Variants in NBEA observed in about 807,000 individuals in gnomAD.
NBEA encodes lysosomal-trafficking regulator 2.
Under a neutral mutation model 343.4 loss-of-function variants are expected in NBEA, and 44 were observed. That is an observed-to-expected ratio of 0.13 (90% CI 0.10 to 0.16). The LOEUF (loss-of-function observed/expected upper bound fraction) is 0.16, where lower values mean the gene tolerates loss of function less well. Among genes scored for constraint, NBEA ranks in the 10% least tolerant of loss-of-function variants. The pLI, the probability that NBEA is intolerant of heterozygous loss-of-function variation, is 1.00. For synonymous variants in NBEA, 1,175 were observed against 1,238.7 expected (o/e 0.95, Z 1.08); for missense variants, 2,555 against 3,631.3 (o/e 0.70, Z 7.62).
intron 1 of NBEA, among the ~76,000 whole-genome samples, chr13:35,019,243 A>G (rs562287646): frequency 4.6e-5 from 7 of 150,904 alleles, no homozygotes; most frequent in South Asian, 2.1e-4. Flanking sequence ...TTTTGTTACC[A>G]TGATATTGTT....
In NBEA at chr13:35,345,992, T is replaced by C. The variant is rs1594295022; in HGVS notation, c.5904-3116T>C. 5.9e-5 allele frequency among the ~76,000 whole-genome samples: 9 copies of C among 152,038 alleles called. No homozygotes were observed. The South Asian group carries it at 1.7e-3, about 28-fold the overall frequency. ...TGTCAAGAGTCATGGAAAGATACCT[T>C]CTCTTCGTGTAAATAAAACATCATA... On this transcript the variant is annotated intron_variant, in intron 36 of 58. Coordinates refer to ENST00000379939, the MANE Select transcript of NBEA (RefSeq NM_001385012.1).
intron 46 of NBEA, among the ~76,000 whole-genome samples, chr13:35,584,504 CTTTTT>C (rs56397549): frequency 7.0e-6 from 1 of 143,670 alleles, no homozygotes. Context: ...TATTTCTCTT[CTTTTT>C]TTTTTTTTGA....
intron 45 of NBEA, among the ~76,000 whole-genome samples, chr13:35,577,052 G>C (rs755611492): frequency 2.4e-4 from 36 of 152,102 alleles, no homozygotes; most frequent in Non-Finnish European, 3.5e-4. Flanking sequence ...GAATTATCAG[G>C]ATCCACACCT....
intron 41 of NBEA, among the ~76,000 whole-genome samples, chr13:35,478,547 G>A (rs1446962932): frequency 3.3e-5 from 5 of 152,218 alleles, no homozygotes; most frequent in Admixed American, 2.0e-4. Context: ...CCGCATTCCC[G>A]TGCCCTCTTA....
chr13:35,620,514 G>A (rs1355356760), intron 48 of NBEA, among the ~76,000 whole-genome samples: 2 of 152,186 alleles, frequency 1.3e-5, no homozygotes, highest in Non-Finnish European at 1.5e-5. Context: ...AGAGGACTGA[G>A]TAGTAGTGGG....
At chr13:35,206,061 T>C (rs1181529707) in intron 31 of NBEA, among the ~76,000 whole-genome samples, 1 of 152,112 alleles carries the variant, frequency 6.6e-6, no homozygotes, top group African/African-American at 2.4e-5. Flanking sequence ...ATCTGGAGGC[T>C]TTCACATCAA....
rs2066561975 is a variant in NBEA at position 35,117,545 on chromosome 13, T to A, written c.2082+52T>A. On this transcript the variant is annotated intron_variant, in intron 14 of 58. Coordinates refer to ENST00000379939, the MANE Select transcript of NBEA (RefSeq NM_001385012.1). Reference sequence around the variant, plus strand: ...TAATAGTATATTAGGTAGAAAGGAATTTCTGGCATGTTTTAAAATTATTAA... The same window carrying A: ...TAATAGTATATTAGGTAGAAAGGAAATTCTGGCATGTTTTAAAATTATTAA... 4 of 903,040 alleles carry A rather than the reference T, an allele frequency of 4.4e-6. No homozygotes were observed. In the African/African-American group the frequency reaches 7.1e-5, roughly 16 times the overall value. 55.9% of individuals were successfully genotyped at this position (903,040 alleles called of 1,614,324 possible).
intron 35 of NBEA, among the ~76,000 whole-genome samples, chr13:35,299,667 C>G (rs944835325): frequency 1.3e-5 from 2 of 151,966 alleles, no homozygotes; most frequent in African/African-American, 4.8e-5. Flanking sequence ...AGTATTGTCC[C>G]CATGAAAATA....
chr13:35,244,678 G>C (rs1424774432), intron 34 of NBEA, among the ~76,000 whole-genome samples: 1 of 152,068 alleles, frequency 6.6e-6, no homozygotes, highest in Non-Finnish European at 1.5e-5. Flanking sequence ...GATGGGAATT[G>C]CATTGAATTT....
intron 18 of NBEA, among the ~76,000 whole-genome samples, chr13:35,153,643 C>G (rs922249210): frequency 6.6e-6 from 1 of 152,146 alleles, no homozygotes; most frequent in Non-Finnish European, 1.5e-5. Context: ...ATTAGATAGG[C>G]AAGGCAGTTA....
chr13:35,366,814 T>A (rs2041146584), intron 38 of NBEA, among the ~76,000 whole-genome samples: 1 of 151,300 alleles, frequency 6.6e-6, no homozygotes, highest in South Asian at 2.1e-4. Flanking sequence ...CTCACTATAC[T>A]ATATTCCAGA....
At chr13:35,134,113 T>G (rs2067584005) in intron 17 of NBEA, among the ~76,000 whole-genome samples, 3 of 152,020 alleles carry the variant, frequency 2.0e-5, no homozygotes, top group African/African-American at 7.2e-5. Flanking sequence ...GTAGATGGTG[T>G]TAAGTTCATA....
chr13:35,275,642 T>G (rs895882384), intron 34 of NBEA, among the ~76,000 whole-genome samples: 12 of 152,062 alleles, frequency 7.9e-5, no homozygotes, highest in African/African-American at 2.9e-4. Context: ...TACAAAGAAC[T>G]TAAACAAATT....
intron 44 of NBEA, among the ~76,000 whole-genome samples, chr13:35,563,132 G>GAGAT (rs3075543): frequency 0.11 from 13,556 of 123,440 alleles, 644 homozygotes; most frequent in Admixed American, 0.17. Context: ...TGTGTGTGTG[G>GAGAT]AGATAGATAG....
intron 11 of NBEA, among the ~76,000 whole-genome samples, chr13:35,108,256 C>T (rs1170751163): frequency 6.6e-6 from 1 of 151,806 alleles, no homozygotes; most frequent in Non-Finnish European, 1.5e-5. Flanking sequence ...AGTGATACTA[C>T]AAAATAGTAT....
chr13:35,443,651 T>G (rs2045854788), intron 39 of NBEA, among the ~76,000 whole-genome samples: 2 of 152,030 alleles, frequency 1.3e-5, no homozygotes, highest in African/African-American at 4.8e-5. Flanking sequence ...ATAGAAAGTC[T>G]ATTTCATGTG....
intron 45 of NBEA, among the ~76,000 whole-genome samples, chr13:35,583,236 A>G (rs966011593): frequency 2.0e-5 from 3 of 152,198 alleles, no homozygotes; most frequent in African/African-American, 7.2e-5. Flanking sequence ...AGAAATCAGT[A>G]TAGGGATTAG....
intron 39 of NBEA, among the ~76,000 whole-genome samples, chr13:35,451,151 T>A (rs1194096325): frequency 1.3e-5 from 2 of 152,096 alleles, no homozygotes; most frequent in East Asian, 3.9e-4. Context: ...TGAGAGGGAG[T>A]CTCACTCTGT....
intron 34 of NBEA, among the ~76,000 whole-genome samples, chr13:35,253,109 A>G (rs1256925337): frequency 6.6e-6 from 1 of 152,204 alleles, no homozygotes. Context: ...GGAAACAACC[A>G]TGGGAAGAAA....
Sources: gnomAD v4.1 joint callset for allele counts (sites outside exome capture counted in the v4.1 genomes callset) on GRCh38, gnomAD v4.1.1 for gene constraint, MANE v1.5 for transcripts, NCBI Gene and HGNC (gene_info 2026-07-23, HGNC 2026-07-21) for gene names.